The following EYA4 variants were observed in gnomAD, a reference collection of about 807,000 sequenced individuals.
EYA4 encodes EYA transcriptional coactivator and phosphatase 4.
EYA4 carries 31 observed loss-of-function variants against 87.9 expected under a neutral mutation model. The ratio of observed to expected loss-of-function variants is 0.35; its 90% CI spans 0.27 to 0.48. The LOEUF is 0.48. Among genes scored for constraint, EYA4 ranks in the 20% least tolerant of loss-of-function variants. The pLI, the probability that EYA4 is intolerant of heterozygous loss-of-function variation, is 0.99. For synonymous variants in EYA4, 263 were observed against 270.6 expected, an observed-to-expected ratio of 0.97 and a Z score of 0.28; for missense variants, 678 against 761.4, an observed-to-expected ratio of 0.89 and a Z score of 1.29.
At chr6:133,359,372 A>C (rs1784299825) in intron 2 of EYA4, among the ~76,000 whole-genome samples, 1 of 152,170 alleles carries the variant, frequency 6.6e-6, no homozygotes, top group South Asian at 2.1e-4. Flanking sequence ...GTAATCAGTC[A>C]CTGAAATGAA....
intron 3 of EYA4, among the ~76,000 whole-genome samples, chr6:133,384,192 G>A (rs540798306): frequency 2.4e-4 from 37 of 152,206 alleles, no homozygotes; most frequent in Non-Finnish European, 4.6e-4. Context: ...TCAGTAAGTT[G>A]GAGAAGAAAT....
intron 2 of EYA4, among the ~76,000 whole-genome samples, chr6:133,324,437 A>G (rs1461993625): frequency 6.6e-6 from 1 of 152,198 alleles, no homozygotes; most frequent in Admixed American, 6.5e-5. Flanking sequence ...CAGGAGGCAG[A>G]GAGAAGTGTT....
chr6:133,349,976 G>A (rs573544568), intron 2 of EYA4, among the ~76,000 whole-genome samples: 240 of 152,162 alleles, frequency 1.6e-3, no homozygotes, highest in Non-Finnish European at 2.7e-3. Context: ...TTAAAATGTC[G>A]TCAGAAAAGT....
intron 2 of EYA4, among the ~76,000 whole-genome samples, chr6:133,357,494 T>C (rs568105671): frequency 6.6e-6 from 1 of 152,252 alleles, no homozygotes; most frequent in African/African-American, 2.4e-5. Flanking sequence ...CTAATCTAAT[T>C]GTAAGATAAT....
At chr6:133,458,386 A>G (rs895505267) in intron 6 of EYA4, among the ~76,000 whole-genome samples, 8 of 152,280 alleles carry the variant, frequency 5.3e-5, no homozygotes, top group Middle Eastern at 3.4e-3. Flanking sequence ...CTGAATTTTC[A>G]AGTTTAAACA....
At chr6:133,286,954 A>G (rs1444184113) in intron 2 of EYA4, among the ~76,000 whole-genome samples, 2 of 152,264 alleles carry the variant, frequency 1.3e-5, no homozygotes, top group African/African-American at 4.8e-5. Flanking sequence ...CATCTCTGGT[A>G]TCTACCCACT....
intron 1 of EYA4, among the ~76,000 whole-genome samples, chr6:133,273,617 A>G (rs1179366921): frequency 1.3e-5 from 2 of 152,214 alleles, no homozygotes; most frequent in East Asian, 1.9e-4. Context: ...ATGTTCATCT[A>G]TGATGAACAA....
At chr6:133,323,411 G>A (rs1781249183) in intron 2 of EYA4, among the ~76,000 whole-genome samples, 1 of 152,084 alleles carries the variant, frequency 6.6e-6, no homozygotes, top group South Asian at 2.1e-4. Flanking sequence ...AAAAGTTTCT[G>A]CTGCTGCTTC....
At chr6:133,432,295 G>A (rs371117596) in intron 3 of EYA4, among the ~76,000 whole-genome samples, 12 of 152,302 alleles carry the variant, frequency 7.9e-5, no homozygotes, top group African/African-American at 2.4e-4. Context: ...AACACACGGC[G>A]CAAGGAGATT....
intron 2 of EYA4, among the ~76,000 whole-genome samples, chr6:133,344,426 T>C (rs1254016260): frequency 1.3e-5 from 2 of 152,324 alleles, no homozygotes; most frequent in South Asian, 2.1e-4. Flanking sequence ...TTCACTGTTA[T>C]GAGAATTTTG....
chr6:133,386,272 A>G (rs961600357), intron 3 of EYA4, among the ~76,000 whole-genome samples: 1 of 152,144 alleles, frequency 6.6e-6, no homozygotes, highest in Non-Finnish European at 1.5e-5. Flanking sequence ...TTTGGGTCCC[A>G]TTTGACTCAT....
intron 2 of EYA4, among the ~76,000 whole-genome samples, chr6:133,330,138 G>T (rs1457899496): frequency 6.6e-6 from 1 of 152,062 alleles, no homozygotes; most frequent in Non-Finnish European, 1.5e-5. Flanking sequence ...ACTAAAAGTG[G>T]AACGAGCTTC....
intron 19 of EYA4, among the ~76,000 whole-genome samples, 155 bp from the exon 20 acceptor site, chr6:133,528,570 A>G (rs560754132): frequency 2.6e-5 from 4 of 152,312 alleles, no homozygotes; most frequent in East Asian, 3.9e-4. Context: ...GCCTTCACAT[A>G]TGATCATCCC....
At chr6:133,435,005 A>G (rs1791523986) in intron 3 of EYA4, 1 of 152,218 alleles carries the variant, frequency 6.6e-6, no homozygotes, top group Non-Finnish European at 1.5e-5. Context: ...TGGAAAATCC[A>G]TTGGATTTTT....
At chr6:133,379,998 C>G (rs943773981) in intron 2 of EYA4, among the ~76,000 whole-genome samples, 2 of 152,160 alleles carry the variant, frequency 1.3e-5, no homozygotes, top group Admixed American at 6.6e-5. Flanking sequence ...CTTCTTGACA[C>G]TGAAATACCT....
At position 133,461,096 on chromosome 6, in the gene EYA4, T is replaced by C; in HGVS notation, c.371-18T>C. 6.3e-7 allele frequency: 1 copy of C among 1,586,930 alleles called. No individual in the cohort carries two copies. Among genetic ancestry groups the C allele is most frequent in the South Asian group, 1.1e-5 (1 of 90,574 alleles). ...TATGAAGCAACCTTTGGTGCACTGG[T>C]ATTTTTGTGTCTTACAGTAATTACA... On this transcript the variant is annotated intron_variant, in intron 6 of 19. Coordinates refer to ENST00000355286, the MANE Select transcript of EYA4 (RefSeq NM_004100.5).
At chr6:133,427,175 T>C (rs1034070323) in intron 3 of EYA4, among the ~76,000 whole-genome samples, 4 of 152,208 alleles carry the variant, frequency 2.6e-5, no homozygotes, top group Admixed American at 1.3e-4. Flanking sequence ...TTGAAGAAAG[T>C]ATGAACAAAT....
At chr6:133,456,495 G>A (rs764295055) in intron 5 of EYA4, 61 bp from the exon 6 acceptor site, 78 of 1,143,684 alleles carry the variant, frequency 6.8e-5, no homozygotes, top group Admixed American at 1.9e-4. Context: ...CTAGTAGAAC[G>A]GACAGAGTCT....
At chr6:133,278,756 G>A (rs1777388727) in intron 2 of EYA4, among the ~76,000 whole-genome samples, 1 of 152,106 alleles carries the variant, frequency 6.6e-6, no homozygotes, top group Non-Finnish European at 1.5e-5. Context: ...CTTAGAGGAT[G>A]TAGAGAATTT....
Sources: gnomAD v4.1 joint callset for allele counts (sites outside exome capture counted in the v4.1 genomes callset) on GRCh38, gnomAD v4.1.1 for gene constraint, MANE v1.5 for transcripts, NCBI Gene and HGNC (gene_info 2026-07-23, HGNC 2026-07-21) for gene names.